GALNT11: variants seen among roughly 807,000 people sequenced by gnomAD.
GALNT11 encodes UDP-GalNAc:polypeptide N-acetylgalactosaminyltransferase 11.
GALNT11 carries 47 observed loss-of-function variants against 72.7 expected under a neutral mutation model. That is an observed-to-expected ratio of 0.65 (90% confidence interval 0.51 to 0.82). The LOEUF (loss-of-function observed/expected upper bound fraction) is 0.82, where lower values mean the gene tolerates loss of function less well. Ranked by LOEUF, GALNT11 falls within the 40% of genes least tolerant of loss-of-function variation. The pLI is 0.00. For synonymous variants in GALNT11, 270 were observed against 286.6 expected (o/e 0.94, Z 0.58); for missense variants, 677 against 778.4 (o/e 0.87, Z 1.55).
intron 2 of GALNT11, among the ~76,000 whole-genome samples, chr7:152,095,793 AAAG>A (rs957844682): frequency 5.3e-5 from 8 of 152,306 alleles, no homozygotes; most frequent in African/African-American, 1.9e-4. Context: ...TTTGCTTTTG[AAAG>A]AAGTAGTGAG....
chr7:152,103,465 C>A, intron 4 of GALNT11, 187 bp downstream of exon 4: 2 of 529,132 alleles, frequency 3.8e-6, no homozygotes, highest in Non-Finnish European at 6.2e-6. Context: ...ATAAACTATG[C>A]TACCCAAATT....
intron 1 of GALNT11, among the ~76,000 whole-genome samples, chr7:152,044,041 T>A (rs1350261765): frequency 6.6e-6 from 1 of 152,200 alleles, no homozygotes; most frequent in Non-Finnish European, 1.5e-5. Flanking sequence ...GTATGGGCAT[T>A]ACTTGCTGAG....
chr7:152,089,249 A>G (rs561493743), intron 1 of GALNT11, among the ~76,000 whole-genome samples: 90 of 152,298 alleles, frequency 5.9e-4, no homozygotes, highest in African/African-American at 2.1e-3. Flanking sequence ...CATGAGTCAC[A>G]AGCCTGGGTA....
intron 9 of GALNT11, chr7:152,117,730 T>C (rs1469575958): frequency 1.6e-5 from 4 of 247,612 alleles, no homozygotes; most frequent in East Asian, 2.1e-4. Flanking sequence ...ATCTGCTATT[T>C]GCTCTTAGCT....
chr7:152,089,122 G>A (rs2085837885), intron 1 of GALNT11, among the ~76,000 whole-genome samples: 1 of 152,080 alleles, frequency 6.6e-6, no homozygotes, highest in African/African-American at 2.4e-5. Context: ...GGTTTTTATG[G>A]ACAGTTTGGT....
At chr7:152,101,334 A>G (rs903134205) in intron 3 of GALNT11, among the ~76,000 whole-genome samples, 1 of 152,150 alleles carries the variant, frequency 6.6e-6, no homozygotes, top group African/African-American at 2.4e-5. Flanking sequence ...GTCATTCCAC[A>G]GACAGACATT....
At position 152,100,929 on chromosome 7, in the gene GALNT11, C is replaced by T; in HGVS notation, c.419+8C>T. 1 of 1,612,522 alleles carries T rather than the reference C, an allele frequency of 6.2e-7. No homozygotes were observed. Among genetic ancestry groups the T allele is most frequent in the Non-Finnish European group, 8.5e-7 (1 of 1,179,334 alleles). ...AGACACAAGGAATGCAGCGTATGTG[C>T]CTTATCGGATTTGCAAATACATTTT... On this transcript the variant is annotated splice_region_variant and intron_variant, in intron 3 of 11. Transcript: ENST00000430044.
intron 1 of GALNT11, among the ~76,000 whole-genome samples, chr7:152,030,147 A>C (rs1407683490): frequency 6.6e-6 from 1 of 152,220 alleles, no homozygotes; most frequent in Non-Finnish European, 1.5e-5. Context: ...AGAAAAGACA[A>C]GAGGTAGAGG....
intron 1 of GALNT11, among the ~76,000 whole-genome samples, chr7:152,091,139 C>T (rs1037688990): frequency 2.0e-5 from 3 of 151,890 alleles, no homozygotes; most frequent in Non-Finnish European, 4.4e-5. Context: ...CCTCTGCTCC[C>T]GGGTTCAAGC....
At chr7:152,060,160 A>G (rs1031860461) in intron 1 of GALNT11, among the ~76,000 whole-genome samples, 1 of 152,208 alleles carries the variant, frequency 6.6e-6, no homozygotes, top group African/African-American at 2.4e-5. Context: ...TGCCAGTTTC[A>G]AACATTTCTT....
At chr7:152,120,504 C>T (rs539697114) in intron 10 of GALNT11, 39 of 227,260 alleles carry the variant, frequency 1.7e-4, no homozygotes, top group South Asian at 1.1e-3. Context: ...CAGAGGCTGT[C>T]GGGCTCCTCT....
intron 1 of GALNT11, among the ~76,000 whole-genome samples, chr7:152,081,810 A>G (rs1029929637): frequency 3.9e-5 from 6 of 152,176 alleles, no homozygotes; most frequent in African/African-American, 1.4e-4. Context: ...GTTTTATAAT[A>G]TAGGCAGGTG....
chr7:152,117,306 C>G lies in GALNT11; in HGVS notation c.1383C>G (p.His461Gln), dbSNP rs965914050. The change falls in exon 9 of 12, where the codon CAC (histidine) becomes CAG (glutamine). Residue 461 changes from histidine (H) to glutamine (Q), a missense_variant. Transcript: ENST00000430044. Reference sequence around the variant, plus strand: ...CAGAGATGCAGATATCTGGGTCCCACGCCAAACCCCAACAACCCATTTTTG... The same window carrying G: ...CAGAGATGCAGATATCTGGGTCCCAGGCCAAACCCCAACAACCCATTTTTG... ...VYPEMQISGSHAKPQQPIFVN... is the reference protein window; with the variant it reads ...VYPEMQISGSQAKPQQPIFVN... The G allele has an allele frequency of 1.2e-6, 2 of 1,614,144 alleles. No individual in the cohort carries two copies. The highest frequency in any genetic ancestry group is 1.7e-6 in the Non-Finnish European group (2 of 1,180,024).
intron 3 of GALNT11, among the ~76,000 whole-genome samples, chr7:152,102,276 G>T (rs2087000584): frequency 6.6e-6 from 1 of 152,128 alleles, no homozygotes; most frequent in South Asian, 2.1e-4. Flanking sequence ...GGACATGGTG[G>T]CTCACACCTG....
chr7:152,058,340 G>C (rs2083806821), intron 1 of GALNT11, among the ~76,000 whole-genome samples: 1 of 151,830 alleles, frequency 6.6e-6, no homozygotes, highest in Non-Finnish European at 1.5e-5. Context: ...TTTTTGTTTT[G>C]TTTTGTTTTG....
At chr7:152,037,529 C>T (rs1223268721) in intron 1 of GALNT11, among the ~76,000 whole-genome samples, 2 of 151,986 alleles carry the variant, frequency 1.3e-5, no homozygotes, top group African/African-American at 4.8e-5. Flanking sequence ...AATGTCATTC[C>T]TTCAGTTCTG....
chr7:152,079,239 G>A (rs550684306), intron 1 of GALNT11: 1 of 152,260 alleles, frequency 6.6e-6, no homozygotes, highest in South Asian at 2.1e-4. Flanking sequence ...CTTGCTCCCT[G>A]AGGCTAGCTT....
rs140137012 is a variant in GALNT11 at position 152,106,699 on chromosome 7, A to G, written c.712+1329A>G. ...GACTTTTTTTTAGATAGCAATAGCT[A>G]TTTAGGTTTTTTTCCCTTATGATCT... On this transcript the variant is annotated intron_variant, in intron 5 of 11. Transcript: ENST00000430044. Among the ~76,000 whole-genome samples the G allele has an allele frequency of 2.3e-3, 357 of 152,240 alleles. 4 individuals carry two copies. The highest frequency in any genetic ancestry group is 8.2e-3 in the African/African-American group (342 of 41,544).
chr7:152,105,944 C>CT (rs1347757249), intron 5 of GALNT11, among the ~76,000 whole-genome samples: 1 of 152,138 alleles, frequency 6.6e-6, no homozygotes, highest in Non-Finnish European at 1.5e-5. Flanking sequence ...TCATACACTG[C>CT]TCTCCCCCTT....
Sources: allele counts gnomAD v4.1 joint callset (sites outside exome capture counted in the v4.1 genomes callset), GRCh38; gene constraint gnomAD v4.1.1; transcripts MANE v1.5; gene names NCBI Gene and HGNC (gene_info 2026-07-23, HGNC 2026-07-21).